The following FDFT1 variants were observed in gnomAD, a reference collection of about 807,000 sequenced individuals.
FDFT1 encodes squalene synthase.
FDFT1 carries 68 observed loss-of-function variants against 46.8 expected under a neutral mutation model. That is an observed-to-expected ratio of 1.45 (90% CI 1.19 to 1.78). FDFT1 has a LOEUF of 1.78. Among genes scored for constraint, FDFT1 ranks in the 40% most tolerant of loss-of-function variants. The pLI is 0.00. For missense variants in FDFT1, 928 were observed against 524.4 expected (o/e 1.77, Z -7.52); for synonymous variants, 351 against 185.1 (o/e 1.90, Z -7.28).
chr8:11,799,605 A>G (rs1563284847), upstream of FDFT1, among the ~76,000 whole-genome samples: 11 of 152,206 alleles, frequency 7.2e-5, no homozygotes. Context: ...GGGCTATCTG[A>G]TCTCCTGTCC....
chr8:11,815,104 T>C (rs538255640), intron 3 of FDFT1, among the ~76,000 whole-genome samples: 1 of 151,858 alleles, frequency 6.6e-6, no homozygotes, highest in African/African-American at 2.4e-5. Context: ...CACTTAGGAG[T>C]GAGAACATGT....
intron 5 of FDFT1, among the ~76,000 whole-genome samples, chr8:11,827,607 A>C (rs1810178947): frequency 6.6e-6 from 1 of 152,172 alleles, no homozygotes; most frequent in African/African-American, 2.4e-5. Context: ...AAAACTTCTA[A>C]AAGTTAAGAA....
In FDFT1 at chr8:11,831,507, G is replaced by C. The variant is rs369577968; in HGVS notation, c.880-11G>C. 101 of 1,609,866 alleles carry C rather than the reference G, an allele frequency of 6.3e-5. 1 individual carries two copies. The African/African-American group carries it at 8.3e-4, about 13-fold the overall frequency. ...TTTCTTCTTTTTTCCCTCTCTTCTTGTTGTCTCTAGGTGATGGCCATTGCC... is the reference window on the plus strand; with the variant it reads ...TTTCTTCTTTTTTCCCTCTCTTCTTCTTGTCTCTAGGTGATGGCCATTGCC... On this transcript the variant is annotated splice_polypyrimidine_tract_variant and intron_variant, in intron 6 of 7. Transcript: ENST00000220584.
At position 11,838,470 on chromosome 8, in the gene FDFT1, C is replaced by A. The variant is rs1461084634; in HGVS notation, c.1115C>A (p.Pro372His). The A allele has an allele frequency of 1.9e-6, 3 of 1,606,566 alleles. No homozygotes were observed. Among genetic ancestry groups the A allele is most frequent in the Non-Finnish European group, 2.6e-6 (3 of 1,175,692 alleles). ...TCCACCATCCGGACGCAGAATCTTC[C>A]CAACTGTCAGCTGATTTCCCGAAGC... ...IISTIRTQNLPNCQLISRSHY... is the reference protein window; with the variant it reads ...IISTIRTQNLHNCQLISRSHY... The change falls in exon 8 of 8, where the codon CCC becomes CAC. Residue 372 changes from proline to histidine, a missense_variant. By Grantham distance (77) the Pro-to-His change is moderately conservative. Coordinates refer to ENST00000220584, the MANE Select transcript of FDFT1 (RefSeq NM_004462.5).
chr8:11,825,580 CG>C (rs1157379762), intron 4 of FDFT1, among the ~76,000 whole-genome samples: 2 of 148,722 alleles, frequency 1.3e-5, no homozygotes, highest in Non-Finnish European at 3.0e-5. Flanking sequence ...AAGCTAGACA[CG>C]GTGGTATTTG....
upstream of FDFT1, among the ~76,000 whole-genome samples, chr8:11,799,518 G>A (rs140749261): frequency 1.3e-3 from 195 of 152,308 alleles, 1 homozygote; most frequent in Non-Finnish European, 2.2e-3. Context: ...AGTCTGTTCC[G>A]TTAGTCTTAT....
chr8:11,814,237 A>T (rs1012907578), intron 3 of FDFT1, among the ~76,000 whole-genome samples: 3 of 152,106 alleles, frequency 2.0e-5, no homozygotes, highest in African/African-American at 7.2e-5. Flanking sequence ...CATTGGCTTG[A>T]ACAGCTGTTG....
Position 11,828,677 on chromosome 8 carries a change from G to C in FDFT1, c.703-1567G>C, listed in dbSNP as rs553993768. 1.6e-3 allele frequency among the ~76,000 whole-genome samples: 239 copies of C among 152,352 alleles called. 2 individuals carry two copies. Among genetic ancestry groups the C allele is most frequent in the African/African-American group, 5.7e-3 (235 of 41,580 alleles). On this transcript the variant is annotated intron_variant, in intron 5 of 7. Transcript: ENST00000220584. ...AAAATAGCATCATTTCTACCACACG[G>C]TGGTGGTGTGAATAAAATGAGATGA...
chr8:11,831,486 T>C, intron 6 of FDFT1, 32 bp from the exon 7 acceptor site: 2 of 1,600,016 alleles, frequency 1.2e-6, no homozygotes, highest in Non-Finnish European at 1.7e-6. Flanking sequence ...ACATCATTTC[T>C]TCTTTTTTCC....
chr8:11,828,397 C>G (rs886544874), intron 5 of FDFT1, among the ~76,000 whole-genome samples: 3 of 152,216 alleles, frequency 2.0e-5, no homozygotes, highest in East Asian at 1.9e-4. Context: ...TGAGAAACCA[C>G]TCTTGTCTTA....
Position 11,830,131 on chromosome 8 carries a change from C to T in FDFT1, c.703-113C>T, listed in dbSNP as rs868731613. The T allele has an allele frequency of 5.2e-5, 46 of 887,898 alleles. No individual in the cohort carries two copies. The African/African-American group carries it at 6.0e-4, about 12-fold the overall frequency. The allele number at this position is 887,898 out of a possible 1,614,324, so 55.0% of individuals were successfully genotyped here. A position where few individuals can be genotyped will look rare whatever the true frequency, so the allele number is the denominator to read the frequency against. On this transcript the variant is annotated intron_variant, in intron 5 of 7. Coordinates refer to ENST00000220584, the MANE Select transcript of FDFT1 (RefSeq NM_004462.5). ...AAAGTGCTGGGATTACAGGCGTGAG[C>T]CACGGCGCCCAGCCTGTATCATAGT...
chr8:11,829,078 G>A (rs944863254), intron 5 of FDFT1, among the ~76,000 whole-genome samples: 4 of 152,182 alleles, frequency 2.6e-5, no homozygotes, highest in Admixed American at 1.3e-4. Context: ...GCTGCCAGAC[G>A]CTTTTCCAAG....
chr8:11,809,437 G>A, intron 2 of FDFT1: 1 of 1,263,370 alleles, frequency 7.9e-7, no homozygotes, highest in Non-Finnish European at 9.9e-7. Context: ...GGGAGTAGTG[G>A]TGACATTCAA....
intron 5 of FDFT1, among the ~76,000 whole-genome samples, chr8:11,829,482 T>A (rs2645413): frequency 0.98 from 150,083 of 152,372 alleles, 73,952 homozygotes; most frequent in East Asian, 1. Flanking sequence ...TTTCAGCAGC[T>A]TTCTTACCAG....
intron 5 of FDFT1, among the ~76,000 whole-genome samples, chr8:11,827,185 G>C (rs1810113134): frequency 6.6e-6 from 1 of 152,052 alleles, no homozygotes. Flanking sequence ...GTTTTAAAAA[G>C]ACGGGTGAGG....
intron 1 of FDFT1, among the ~76,000 whole-genome samples, chr8:11,805,112 T>C (rs2130684950): frequency 6.6e-6 from 1 of 151,914 alleles, no homozygotes; most frequent in East Asian, 1.9e-4. Context: ...ACACAATGTC[T>C]CGCTGCATTG....
At position 11,838,648 on chromosome 8, in the gene FDFT1, G is replaced by C; in HGVS notation, c.*39G>C. The C allele has an allele frequency of 6.7e-7, 1 of 1,496,438 alleles. No homozygotes were observed. Among genetic ancestry groups the C allele is most frequent in the Non-Finnish European group, 9.3e-7 (1 of 1,072,932 alleles). 92.7% of individuals were successfully genotyped at this position (1,496,438 alleles called of 1,614,324 possible). A position where few individuals can be genotyped will look rare whatever the true frequency, so the allele number is the denominator to read the frequency against. ...CATAGCTGAAGTCCACCATAAAGTG[G>C]ATTTACTTTTTTTCTTTAAGGATGG... On this transcript the variant is annotated 3_prime_UTR_variant, in exon 8 of 8. Coordinates refer to ENST00000220584, the MANE Select transcript of FDFT1 (RefSeq NM_004462.5).
chr8:11,809,110 G>A (rs866345465), intron 2 of FDFT1: 128 of 1,285,890 alleles, frequency 1.0e-4, no homozygotes, highest in Middle Eastern at 8.7e-4. Context: ...AGAGAAGAGG[G>A]GGGAGGGGGT....
chr8:11,821,042 A>G (rs1809169016), intron 3 of FDFT1, among the ~76,000 whole-genome samples: 1 of 152,204 alleles, frequency 6.6e-6, no homozygotes, highest in Non-Finnish European at 1.5e-5. Flanking sequence ...GCCCTGATGT[A>G]TATCCCCAGT....
Sources: gnomAD v4.1 joint callset for allele counts (sites outside exome capture counted in the v4.1 genomes callset) on GRCh38, gnomAD v4.1.1 for gene constraint, MANE v1.5 for transcripts, NCBI Gene and HGNC (gene_info 2026-07-23, HGNC 2026-07-21) for gene names.